PAPPA2: variants seen among roughly 807,000 people sequenced by gnomAD.
PAPPA2 encodes pappalysin 2.
In PAPPA2, 86 loss-of-function variants were observed where a neutral mutation model predicts 176.4. That is an observed-to-expected ratio of 0.49 (90% CI 0.41 to 0.58). PAPPA2 has a LOEUF of 0.58. Ranked by LOEUF, PAPPA2 falls within the 20% of genes least tolerant of loss-of-function variation. PAPPA2 has a pLI of 0.00. For missense variants in PAPPA2, 2,073 were observed against 2,256.9 expected (o/e 0.92, Z 1.65); for synonymous variants, 809 against 852.2 (o/e 0.95, Z 0.88).
chr1:176,510,336 C>T (rs1572983919), intron 1 of PAPPA2, among the ~76,000 whole-genome samples: 1 of 152,210 alleles, frequency 6.6e-6, no homozygotes, highest in Non-Finnish European at 1.5e-5. Context: ...CAATGTAACA[C>T]CATCTTTAAA....
intron 4 of PAPPA2, among the ~76,000 whole-genome samples, chr1:176,684,642 G>A (rs1018888010): frequency 6.6e-6 from 1 of 152,040 alleles, no homozygotes; most frequent in Non-Finnish European, 1.5e-5. Context: ...ATGGTTTTGA[G>A]TATAAAAAAT....
intron 4 of PAPPA2, among the ~76,000 whole-genome samples, chr1:176,672,508 T>A (rs149685643): frequency 6.6e-6 from 1 of 151,958 alleles, no homozygotes; most frequent in East Asian, 1.9e-4. Flanking sequence ...TATGAGCAAG[T>A]ATTCAAAAGA....
chr1:176,640,123 C>G lies in PAPPA2; in HGVS notation c.1992-30847C>G, dbSNP rs137997529. Among the ~76,000 whole-genome samples, 449 of 149,448 alleles carry G rather than the reference C, an allele frequency of 3.0e-3. 4 individuals are homozygous for G. The highest frequency in any genetic ancestry group is 0.011 in the African/African-American group (436 of 40,954). The stretch of plus-strand genomic sequence containing the variant: ...TGCCATCCCCCAGGAATTTATTTAT[C>G]TATTTTTATTTTTTTCAAAAGTATA... On this transcript the variant is annotated intron_variant, in intron 3 of 22. Coordinates refer to ENST00000367662, the MANE Select transcript of PAPPA2 (RefSeq NM_020318.3).
chr1:176,759,928 G>A (rs897576716), intron 14 of PAPPA2, among the ~76,000 whole-genome samples: 1 of 152,138 alleles, frequency 6.6e-6, no homozygotes. Context: ...CAGATGTAAA[G>A]GTTGACACCT....
At chr1:176,704,595 A>C (rs1029582209) in intron 9 of PAPPA2, among the ~76,000 whole-genome samples, 16 of 152,162 alleles carry the variant, frequency 1.1e-4, no homozygotes, top group African/African-American at 3.6e-4. Flanking sequence ...ATTTTATTTA[A>C]TTTTAAGTAA....
At chr1:176,743,407 C>G (rs1045572263) in intron 14 of PAPPA2, among the ~76,000 whole-genome samples, 6 of 152,176 alleles carry the variant, frequency 3.9e-5, no homozygotes, top group African/African-American at 1.2e-4. Flanking sequence ...GATCATGAAC[C>G]CTTTAGTCTT....
rs77817405 is a variant in PAPPA2 at position 176,753,554 on chromosome 1, C to CTT, written c.4152-12087_4152-12086dup. Among the ~76,000 whole-genome samples the CTT allele has an allele frequency of 1.2e-3, 85 of 73,512 alleles. 4 individuals are homozygous for CTT. Among genetic ancestry groups the CTT allele is most frequent in the African/African-American group, 1.6e-3 (24 of 14,924 alleles). 48.2% of individuals were successfully genotyped at this position (73,512 alleles called of 152,430 possible). A position where few individuals can be genotyped will look rare whatever the true frequency, so the allele number is the denominator to read the frequency against. The stretch of plus-strand genomic sequence containing the variant: ...TAGCCTCAAGATGTGAAGGCTCCTC[C>CTT]TTTTTTTTTTTTTTTTTTTTTTTTT... On this transcript the variant is annotated intron_variant, in intron 14 of 22. Transcript: ENST00000367662.
chr1:176,725,854 C>A (rs568885635), intron 12 of PAPPA2, among the ~76,000 whole-genome samples: 1 of 152,188 alleles, frequency 6.6e-6, no homozygotes. Flanking sequence ...AATCTCGGCT[C>A]ACTGCAAGCT....
chr1:176,542,072 C>T (rs1363624314), intron 1 of PAPPA2, among the ~76,000 whole-genome samples: 1 of 152,168 alleles, frequency 6.6e-6, no homozygotes, highest in East Asian at 1.9e-4. Flanking sequence ...GTCTTTTAAT[C>T]TAGTTGTGTC....
At chr1:176,486,340 T>C (rs1572958886) in intron 1 of PAPPA2, among the ~76,000 whole-genome samples, 2 of 152,280 alleles carry the variant, frequency 1.3e-5, no homozygotes, top group Admixed American at 1.3e-4. Flanking sequence ...TACTAATATG[T>C]GTGAGAATCT....
intron 2 of PAPPA2, among the ~76,000 whole-genome samples, chr1:176,564,119 T>G (rs57725297): frequency 0.016 from 2,476 of 152,288 alleles, 62 homozygotes; most frequent in African/African-American, 0.057. Flanking sequence ...ATCTACTTCT[T>G]GTACTAACAC....
At chr1:176,598,288 C>T (rs1429075275) in intron 3 of PAPPA2, among the ~76,000 whole-genome samples, 1 of 151,692 alleles carries the variant, frequency 6.6e-6, no homozygotes, top group Non-Finnish European at 1.5e-5. Flanking sequence ...CTGGTAGTTT[C>T]CTGTACACCT....
chr1:176,678,014 C>T (rs935134669), intron 4 of PAPPA2, among the ~76,000 whole-genome samples: 1 of 152,166 alleles, frequency 6.6e-6, no homozygotes, highest in Admixed American at 6.5e-5. Context: ...AAAGCATTAA[C>T]GAAGAGTTTC....
At position 176,710,095 on chromosome 1, in the gene PAPPA2, A is replaced by T; in HGVS notation, c.3570A>T (p.Gln1190His). The change falls in exon 11 of 23, where the codon CAA becomes CAT. Residue 1190 changes from glutamine to histidine, a missense_variant. Gln to His is a conservative substitution (Grantham distance 24, BLOSUM62 0). Around this residue, in one of 4 missense-constraint regions of PAPPA2, gnomAD observed 846 missense variants for 857.9 expected, o/e 0.99. Transcript: ENST00000367662. ...ACACTCCCAAAGGATACTTGGATCA[A>T]TGGGCTACCCGGGCTTACTCCTCTC... The part of the protein sequence containing the change: ...GIYTPKGYLD[Q>H]WATRAYSSHE... 6.2e-7 allele frequency: 1 copy of T among 1,613,936 alleles called. No homozygotes were observed. Among genetic ancestry groups the T allele is most frequent in the Non-Finnish European group, 8.5e-7 (1 of 1,179,850 alleles).
At chr1:176,610,196 G>T (rs1024756594) in intron 3 of PAPPA2, among the ~76,000 whole-genome samples, 5 of 151,930 alleles carry the variant, frequency 3.3e-5, no homozygotes, top group Non-Finnish European at 5.9e-5. Context: ...TTCAGGAATG[G>T]CTATGTCTCC....
intron 16 of PAPPA2, 22 bp downstream of exon 16, chr1:176,769,806 A>C: frequency 6.4e-7 from 1 of 1,573,936 alleles, no homozygotes; most frequent in Non-Finnish European, 8.6e-7. Context: ...TCAACCAGGA[A>C]CTGTATGCAA....
In PAPPA2 at chr1:176,793,656, C is replaced by T. The variant is rs763082769; in HGVS notation, c.5117C>T (p.Pro1706Leu). Reference protein sequence around the residue: ...TADTLEHWMEPVKVQSIVCTG... With the variant: ...TADTLEHWMELVKVQSIVCTG... ...GACACTCTGGAGCACTGGATGGAACCTGTCAAAGTCCAGGTGAGGAAAGGG... is the reference window on the plus strand; with the variant it reads ...GACACTCTGGAGCACTGGATGGAACTTGTCAAAGTCCAGGTGAGGAAAGGG... The change falls in exon 20 of 23, where the codon CCT (proline) becomes CTT (leucine). Residue 1706 changes from proline to leucine, a missense_variant. Coordinates refer to ENST00000367662, the MANE Select transcript of PAPPA2 (RefSeq NM_020318.3). The T allele has an allele frequency of 1.2e-6, 2 of 1,605,634 alleles. No homozygotes were observed. The highest frequency in any genetic ancestry group is 1.7e-6 in the Non-Finnish European group (2 of 1,174,144).
At chr1:176,768,250 G>T (rs943419409) in intron 15 of PAPPA2, among the ~76,000 whole-genome samples, 1 of 150,746 alleles carries the variant, frequency 6.6e-6, no homozygotes, top group African/African-American at 2.4e-5. Flanking sequence ...CCCCTGTACT[G>T]CTGGGAAGTC....
chr1:176,513,496 A>C (rs906344058), intron 1 of PAPPA2, among the ~76,000 whole-genome samples: 3 of 152,230 alleles, frequency 2.0e-5, no homozygotes, highest in Admixed American at 1.3e-4. Flanking sequence ...GGCATTTATC[A>C]AAATGGAAAT....
Sources: gnomAD v4.1 joint callset for allele counts (sites outside exome capture counted in the v4.1 genomes callset) on GRCh38, gnomAD v4.1.1 for gene constraint, gnomAD v4.1.1 regional missense constraint, MANE v1.5 for transcripts, NCBI Gene and HGNC (gene_info 2026-07-23, HGNC 2026-07-21) for gene names.